The following WDR7 variants were observed in gnomAD, a reference collection of about 807,000 sequenced individuals.
The protein encoded by WDR7 is WD repeat-containing protein 7.
In WDR7, 46 loss-of-function variants were observed where a neutral mutation model predicts 169.4. That is an observed-to-expected ratio of 0.27 (90% CI 0.21 to 0.35). The LOEUF (loss-of-function observed/expected upper bound fraction) is 0.35, where lower values mean the gene tolerates loss of function less well. Ranked by LOEUF, WDR7 falls within the 10% of genes least tolerant of loss-of-function variation. The pLI is 1.00. For missense variants in WDR7, 1,534 were observed against 1,859.3 expected (o/e 0.83, Z 3.22); for synonymous variants, 612 against 666.8 (o/e 0.92, Z 1.27).
At chr18:56,879,412 T>C (rs970380203) in intron 20 of WDR7, among the ~76,000 whole-genome samples, 4 of 152,222 alleles carry the variant, frequency 2.6e-5, no homozygotes, top group Non-Finnish European at 1.5e-5. Context: ...TGACCATTCA[T>C]ACAACTTTGG....
rs753287019 is a variant in WDR7, at chr18:56,841,160, T to TC, written c.3304+25018dup. ...GTGAGCTGAGATCGCACCACCGCAC[T>TC]CCAGCCTGGGTGACAGAGTGAGACT... On this transcript the variant is annotated intron_variant, in intron 20 of 27. Transcript: ENST00000254442. Among the ~76,000 whole-genome samples, 20 of 152,206 alleles carry TC rather than the reference T, an allele frequency of 1.3e-4. No individual in the cohort carries two copies. The East Asian group carries it at 3.1e-3, about 24-fold the overall frequency.
At position 56,776,803 on chromosome 18, in the gene WDR7, C is replaced by T; in HGVS notation, c.2870C>T (p.Ala957Val). 6.2e-7 allele frequency: 1 copy of T among 1,613,954 alleles called. No homozygotes were observed. Among genetic ancestry groups the T allele is most frequent in the South Asian group, 1.1e-5 (1 of 91,068 alleles). Residue 957 changes from alanine to valine, a missense_variant, in exon 17 of 28, where the codon GCT becomes GTT. Transcript: ENST00000254442. ...CAAGTTGCTGCACCTGTCGTTTCCG[C>T]TCGGTCTGATGCTGATCACTCTGGC... The part of the protein sequence containing the change: ...IKQVAAPVVS[A>V]RSDADHSGSD...
At chr18:56,917,941 A>G (rs537406891) in intron 21 of WDR7, among the ~76,000 whole-genome samples, 1 of 152,340 alleles carries the variant, frequency 6.6e-6, no homozygotes, top group East Asian at 1.9e-4. Context: ...ATGAGCTATT[A>G]TTATTCTTGA....
chr18:56,952,962 A>T (rs552955729), intron 25 of WDR7, among the ~76,000 whole-genome samples: 1 of 152,330 alleles, frequency 6.6e-6, no homozygotes, highest in South Asian at 2.1e-4. Flanking sequence ...CAGGGTAGTG[A>T]CACTATGTTA....
chr18:56,787,882 T>C (rs2044426584), intron 19 of WDR7, among the ~76,000 whole-genome samples: 1 of 152,218 alleles, frequency 6.6e-6, no homozygotes, highest in South Asian at 2.1e-4. Flanking sequence ...TAGTGTATTC[T>C]TTGGTAGGCC....
At chr18:56,970,814 CT>C (rs2047473254) in intron 26 of WDR7, among the ~76,000 whole-genome samples, 1 of 152,176 alleles carries the variant, frequency 6.6e-6, no homozygotes, top group African/African-American at 2.4e-5. Flanking sequence ...ATTTATATAA[CT>C]TTTATGAATA....
At chr18:56,858,390 A>G (rs1300179447) in intron 20 of WDR7, among the ~76,000 whole-genome samples, 1 of 152,198 alleles carries the variant, frequency 6.6e-6, no homozygotes, top group Admixed American at 6.5e-5. Flanking sequence ...GTGGCTTGTC[A>G]TTGCTTTTAG....
At chr18:56,765,997 T>C (rs2044060103) in intron 16 of WDR7, among the ~76,000 whole-genome samples, 1 of 151,380 alleles carries the variant, frequency 6.6e-6, no homozygotes, top group Non-Finnish European at 1.5e-5. Context: ...TTTGAAAACA[T>C]CTTTGTTTGT....
intron 13 of WDR7, among the ~76,000 whole-genome samples, chr18:56,730,340 A>G (rs1323882787): frequency 6.6e-6 from 1 of 152,244 alleles, no homozygotes; most frequent in African/African-American, 2.4e-5. Flanking sequence ...CTCATTGAAA[A>G]TGTAACATTA....
intron 25 of WDR7, among the ~76,000 whole-genome samples, chr18:56,956,134 A>T (rs549784549): frequency 1.3e-5 from 2 of 152,268 alleles, no homozygotes; most frequent in Middle Eastern, 3.4e-3. Flanking sequence ...TGACTCTCAA[A>T]TGGAATTCCC....
At chr18:56,676,638 CACAA>C (rs1369809524) in intron 2 of WDR7, among the ~76,000 whole-genome samples, 1 of 151,690 alleles carries the variant, frequency 6.6e-6, no homozygotes, top group Non-Finnish European at 1.5e-5. Flanking sequence ...TTTGCATAAA[CACAA>C]ACAAAAAAGG....
chr18:57,004,297 A>G (rs1202975092), intron 26 of WDR7, among the ~76,000 whole-genome samples: 1 of 152,070 alleles, frequency 6.6e-6, no homozygotes, highest in Admixed American at 6.6e-5. Flanking sequence ...TTCCTCCTGT[A>G]TATCCAGAGA....
rs1374572620 is a variant in WDR7, at chr18:56,718,028, G to A, written c.1643G>A (p.Arg548Gln). 7 of 1,614,066 alleles carry A rather than the reference G, an allele frequency of 4.3e-6. No individual in the cohort carries two copies. Among genetic ancestry groups the A allele is most frequent in the South Asian group, 1.1e-5 (1 of 91,082 alleles). Reference protein sequence around the residue: ...SDHSVGLLSLREKKCIMLASR... With the variant: ...SDHSVGLLSLQEKKCIMLASR... ...CACTCAGTAGGACTTCTAAGTTTGCGAGAGAAAAAATGCATAATGTTGGCA... is the reference window on the plus strand; with the variant it reads ...CACTCAGTAGGACTTCTAAGTTTGCAAGAGAAAAAATGCATAATGTTGGCA... Residue 548 changes from arginine to glutamine, a missense_variant, in exon 13 of 28, where the codon CGA becomes CAA. Arg to Gln is a conservative substitution (Grantham distance 43). Coordinates refer to ENST00000254442, the MANE Select transcript of WDR7 (RefSeq NM_015285.3).
intron 26 of WDR7, among the ~76,000 whole-genome samples, chr18:56,968,947 A>G (rs1027066092): frequency 1.3e-5 from 2 of 152,064 alleles, no homozygotes; most frequent in Non-Finnish European, 2.9e-5. Context: ...TTCTCCTTTC[A>G]TCTATACTTT....
chr18:56,797,533 A>G (rs2044604753), intron 19 of WDR7, among the ~76,000 whole-genome samples: 1 of 151,048 alleles, frequency 6.6e-6, no homozygotes, highest in Non-Finnish European at 1.5e-5. Context: ...TTTATGATAT[A>G]AATATAAAAC....
rs1223174617 is a variant in WDR7 at position 57,028,515 on chromosome 18, G to T, written c.*1308G>T. 1.3e-5 allele frequency: 2 copies of T among 152,098 alleles called. No individual in the cohort carries two copies. Among genetic ancestry groups the T allele is most frequent in the African/African-American group, 2.4e-5 (1 of 41,428 alleles). 9.4% of individuals were successfully genotyped at this position (152,098 alleles called of 1,614,324 possible). ...TTGGTTGCCTAATTGTTGATTGGTT[G>T]GTTAGTTGGGCAAAATCATTTATTA... is the stretch of plus-strand genomic sequence containing the variant. On this transcript the variant is annotated 3_prime_UTR_variant, in exon 28 of 28. Coordinates refer to ENST00000254442, the MANE Select transcript of WDR7 (RefSeq NM_015285.3).
chr18:56,964,728 C>T (rs1427300856), intron 26 of WDR7, among the ~76,000 whole-genome samples: 1 of 152,050 alleles, frequency 6.6e-6, no homozygotes, highest in Admixed American at 6.6e-5. Context: ...TTTCCTACCT[C>T]ATCTTCTTGA....
chr18:56,989,049 T>C (rs1041873308), intron 26 of WDR7, among the ~76,000 whole-genome samples: 3 of 150,850 alleles, frequency 2.0e-5, no homozygotes, highest in Admixed American at 6.6e-5. Context: ...CTTTTAGATA[T>C]AACTCTCAGG....
At chr18:56,699,703 A>G (rs1284489020) in intron 12 of WDR7, 3 of 371,662 alleles carry the variant, frequency 8.1e-6, no homozygotes, top group East Asian at 1.6e-4. Context: ...TCCTCTCTTT[A>G]TAGTCACACT....
Sources: gnomAD v4.1 joint callset for allele counts (sites outside exome capture counted in the v4.1 genomes callset) on GRCh38, gnomAD v4.1.1 for gene constraint, MANE v1.5 for transcripts, NCBI Gene and HGNC (gene_info 2026-07-23, HGNC 2026-07-21) for gene names.